The following PICALM variants were observed in gnomAD, a reference collection of about 807,000 sequenced individuals.
The protein encoded by PICALM is phosphatidylinositol-binding clathrin assembly protein.
In PICALM, 40 loss-of-function variants were observed where a neutral mutation model predicts 80.5. The observed-to-expected ratio is 0.50, with a 90% confidence interval of 0.39 to 0.65. The LOEUF (loss-of-function observed/expected upper bound fraction) is 0.65. PICALM is among the 30% of genes least tolerant of loss of function. The pLI is 0.00. For missense variants in PICALM, 676 were observed against 778.9 expected (o/e 0.87, Z 1.57); for synonymous variants, 288 against 260.3 (o/e 1.11, Z -1.02).
chr11:86,026,894 G>A (rs1294268848), intron 2 of PICALM, among the ~76,000 whole-genome samples: 1 of 152,132 alleles, frequency 6.6e-6, no homozygotes, highest in East Asian at 1.9e-4. Context: ...TCCCTCTTCA[G>A]AGGTGAGTAC....
At chr11:86,019,526 A>T (rs11234516) in intron 4 of PICALM, among the ~76,000 whole-genome samples, 3,956 of 152,324 alleles carry the variant, frequency 0.026, 178 homozygotes, top group African/African-American at 0.091. Flanking sequence ...AAAATCTATT[A>T]TTCTGAAATC....
intron 14 of PICALM, 40 bp from the exon 15 acceptor site, chr11:85,982,043 C>T (rs754010691): frequency 1.7e-5 from 27 of 1,588,554 alleles, no homozygotes; most frequent in South Asian, 1.3e-4. Flanking sequence ...TTGTAAGGAA[C>T]TTTATGACGC....
At chr11:85,987,454 T>G (rs1468507207) in intron 13 of PICALM, among the ~76,000 whole-genome samples, 1 of 152,228 alleles carries the variant, frequency 6.6e-6, no homozygotes, top group South Asian at 2.1e-4. Flanking sequence ...CCAAATTTTA[T>G]GAACTTCTTG....
chr11:86,028,228 C>A (rs1056120672), intron 2 of PICALM, among the ~76,000 whole-genome samples: 1 of 152,286 alleles, frequency 6.6e-6, no homozygotes, highest in Non-Finnish European at 1.5e-5. Flanking sequence ...CATGCCAACA[C>A]TCTGGCAAGT....
chr11:86,048,769 T>C (rs1593337835), intron 1 of PICALM, among the ~76,000 whole-genome samples: 1 of 147,988 alleles, frequency 6.8e-6, no homozygotes, highest in Non-Finnish European at 1.5e-5. Flanking sequence ...GAGGCAGAGG[T>C]TGCGGTGAGC....
chr11:86,018,678 C>T (rs1040298527), intron 4 of PICALM, among the ~76,000 whole-genome samples: 1 of 152,068 alleles, frequency 6.6e-6, no homozygotes, highest in Non-Finnish European at 1.5e-5. Flanking sequence ...CACTTGAGGT[C>T]AGGAGCTCAA....
rs1474509894 is a variant in PICALM at position 86,031,473 on chromosome 11, T to C, written c.269A>G (p.Asn90Ser). Residue 90 changes from asparagine to serine, a missense_variant, in exon 2 of 20, where the codon AAT becomes AGT. Coordinates refer to ENST00000393346, the MANE Select transcript of PICALM (RefSeq NM_007166.4). ...ITTHHLMVYGNERFIQYLASR... is the reference protein window; with the variant it reads ...ITTHHLMVYGSERFIQYLASR... ...TTCAATAAAAATTCTGCTTACCTCA[T>C]TTCCATACACCATCAAATGATGAGT... 2 of 1,610,288 alleles carry C rather than the reference T, an allele frequency of 1.2e-6. No individual in the cohort carries two copies. Among genetic ancestry groups the C allele is most frequent in the East Asian group, 2.2e-5 (1 of 44,822 alleles).
At chr11:86,048,629 C>G (rs577619199) in intron 1 of PICALM, among the ~76,000 whole-genome samples, 2 of 150,288 alleles carry the variant, frequency 1.3e-5, no homozygotes, top group African/African-American at 4.9e-5. Context: ...ATCAGGAGGT[C>G]GAGACCATCC....
intron 19 of PICALM, among the ~76,000 whole-genome samples, chr11:85,967,633 T>C (rs2093945925): frequency 6.6e-6 from 1 of 152,188 alleles, no homozygotes; most frequent in African/African-American, 2.4e-5. Context: ...AAAAGCCTTC[T>C]TCACAGAAAT....
chr11:86,042,630 G>A (rs538569998), intron 1 of PICALM, among the ~76,000 whole-genome samples: 48 of 144,326 alleles, frequency 3.3e-4, no homozygotes, highest in South Asian at 2.0e-3. Flanking sequence ...CTAACTGTTC[G>A]TTAGCCCAGT....
chr11:85,995,006 A>G (rs962305734), intron 12 of PICALM, among the ~76,000 whole-genome samples: 2 of 152,184 alleles, frequency 1.3e-5, no homozygotes, highest in Admixed American at 6.5e-5. Flanking sequence ...ACCTGGCCTT[A>G]TATGAGATTT....
intron 4 of PICALM, among the ~76,000 whole-genome samples, chr11:86,019,326 C>T (rs1192078903): frequency 6.6e-6 from 1 of 152,038 alleles, no homozygotes; most frequent in Non-Finnish European, 1.5e-5. Flanking sequence ...TATAATGCCA[C>T]TTTTGCACTT....
chr11:85,984,919 T>C (rs527647512), intron 13 of PICALM, among the ~76,000 whole-genome samples: 1 of 152,266 alleles, frequency 6.6e-6, no homozygotes, highest in Admixed American at 6.5e-5. Flanking sequence ...CTTTCAATCA[T>C]TGAGTATATC....
At chr11:86,040,134 TAGTCTGTGAA>T (rs1265174002) in intron 1 of PICALM, among the ~76,000 whole-genome samples, 1 of 151,580 alleles carries the variant, frequency 6.6e-6, no homozygotes, top group Non-Finnish European at 1.5e-5. Flanking sequence ...TGGATGGTGA[TAGTCTGTGAA>T]AAAATTTCTA....
intron 19 of PICALM, among the ~76,000 whole-genome samples, chr11:85,971,570 TA>T (rs1023264740): frequency 1.3e-5 from 2 of 151,374 alleles, no homozygotes; most frequent in Admixed American, 1.3e-4. Context: ...ACTCCATCTC[TA>T]AAAAAAATAC....
At chr11:85,964,117 G>T (rs1444338204) in intron 19 of PICALM, among the ~76,000 whole-genome samples, 1 of 151,896 alleles carries the variant, frequency 6.6e-6, no homozygotes, top group Admixed American at 6.6e-5. Flanking sequence ...AAAATTTCAG[G>T]TTAGAACAAG....
intron 19 of PICALM, among the ~76,000 whole-genome samples, chr11:85,970,547 G>A (rs978422801): frequency 9.9e-5 from 15 of 152,218 alleles, no homozygotes; most frequent in Admixed American, 2.6e-4. Context: ...TGGACACAGT[G>A]GCTCACACCT....
At chr11:86,032,389 A>G (rs1593140010) in intron 1 of PICALM, among the ~76,000 whole-genome samples, 1 of 152,160 alleles carries the variant, frequency 6.6e-6, no homozygotes, top group African/African-American at 2.4e-5. Flanking sequence ...TGGAAACCTG[A>G]GGTGGGGTGG....
chr11:85,975,734 T>C (rs2094258814), intron 18 of PICALM, among the ~76,000 whole-genome samples: 1 of 151,226 alleles, frequency 6.6e-6, no homozygotes, highest in Non-Finnish European at 1.5e-5. Context: ...GTAGCTGGAA[T>C]TACAGGTGTG....
Sources: gnomAD v4.1 joint callset for allele counts (sites outside exome capture counted in the v4.1 genomes callset) on GRCh38, gnomAD v4.1.1 for gene constraint, MANE v1.5 for transcripts, NCBI Gene and HGNC (gene_info 2026-07-23, HGNC 2026-07-21) for gene names.